ERI1: variants seen among roughly 807,000 people sequenced by gnomAD.
ERI1 encodes the protein exoribonuclease 1, also known as 3'-5' exoribonuclease 1.
ERI1 carries 39 observed loss-of-function variants against 39.7 expected under a neutral mutation model. The ratio of observed to expected loss-of-function variants is 0.98; its 90% CI spans 0.76 to 1.28. The LOEUF (loss-of-function observed/expected upper bound fraction) is 1.28. Ranked by LOEUF, ERI1 falls within the 50% of genes most tolerant of loss-of-function variation. The probability of loss-of-function intolerance (pLI) is 0.00; values close to 1 mark genes in which losing one functional copy is unlikely to be tolerated. For synonymous variants in ERI1, 204 were observed against 149.6 expected (o/e 1.36, Z -2.65); for missense variants, 581 against 416.9 (o/e 1.39, Z -3.43).
chr8:9,006,666 A>G (rs568528754), intron 1 of ERI1, among the ~76,000 whole-genome samples: 5 of 152,314 alleles, frequency 3.3e-5, no homozygotes, highest in African/African-American at 4.8e-5. Context: ...TCATTGGTCA[A>G]CTAGCAATAC....
downstream of ERI1, among the ~76,000 whole-genome samples, chr8:9,033,574 C>CAGT (rs1797735073): frequency 1.3e-5 from 2 of 152,124 alleles, no homozygotes; most frequent in Admixed American, 6.5e-5. Context: ...TGTTAAGGTA[C>CAGT]AATGATACTT....
rs190185719 is a variant in ERI1, at chr8:9,077,615, G to A, written n.300-38733G>A. On this transcript the variant is annotated intron_variant and non_coding_transcript_variant, in intron 3 of 3. Transcript: ENST00000518663. ...AAAGGCTGCTTTATCTGCTTATAAT[G>A]CAGAGAAAGTGTCTCAGGCAGCAGA... Among the ~76,000 whole-genome samples the A allele has an allele frequency of 2.1e-3, 321 of 152,302 alleles. 4 individuals are homozygous for A. The highest frequency in any genetic ancestry group is 7.2e-3 in the African/African-American group (301 of 41,562).
At chr8:9,082,265 A>T (rs1799394642) in intron 3 of ERI1, among the ~76,000 whole-genome samples, 1 of 152,032 alleles carries the variant, frequency 6.6e-6, no homozygotes, top group South Asian at 2.1e-4. Context: ...TACTCCTTTT[A>T]CCAGAACTTC....
At chr8:9,062,380 G>T (rs550966086) in intron 3 of ERI1, among the ~76,000 whole-genome samples, 18 of 151,884 alleles carry the variant, frequency 1.2e-4, no homozygotes, top group African/African-American at 4.3e-4. Context: ...AACAGTCAGG[G>T]AAGCAGATAA....
chr8:9,096,708 C>CTTTTTTTTTT (rs557869870), intron 3 of ERI1: 1 of 96,580 alleles, frequency 1.0e-5, no homozygotes. Flanking sequence ...CTATTGCCAT[C>CTTTTTTTTTT]TTTTTTTTTT....
chr8:9,022,290 G>T (rs568987608), intron 6 of ERI1, among the ~76,000 whole-genome samples: 88 of 152,108 alleles, frequency 5.8e-4, no homozygotes, highest in African/African-American at 1.7e-3. Flanking sequence ...AAAAAAATTG[G>T]GTAGTCTGTT....
At chr8:9,043,864 A>G (rs971925750) in intron 3 of ERI1, among the ~76,000 whole-genome samples, 3 of 152,236 alleles carry the variant, frequency 2.0e-5, no homozygotes, top group Non-Finnish European at 2.9e-5. Flanking sequence ...CAACAAAGAA[A>G]TATTTACTGA....
intron 6 of ERI1, among the ~76,000 whole-genome samples, chr8:9,025,305 G>C (rs554894679): frequency 3.9e-5 from 6 of 152,290 alleles, no homozygotes; most frequent in African/African-American, 1.4e-4. Context: ...AAGGTTTTCT[G>C]TTGTAACATG....
chr8:9,029,898 T>A lies in ERI1; in HGVS notation c.914T>A (p.Ile305Lys). 1 of 1,614,184 alleles carries A rather than the reference T, an allele frequency of 6.2e-7. No homozygotes were observed. The change falls in exon 7 of 7, where the codon ATA becomes AAA. Residue 305 changes from isoleucine to lysine, a missense_variant. Transcript: ENST00000250263. ...GATGACTCTAAGAATATCGCCCGAA[T>A]AGCAGTTCGAATGCTTCAGGATGGG... Reference protein sequence around the residue: ...GLDDSKNIARIAVRMLQDGCE... With the variant: ...GLDDSKNIARKAVRMLQDGCE...
At chr8:9,073,459 A>G (rs1029112321) in intron 3 of ERI1, among the ~76,000 whole-genome samples, 3 of 152,206 alleles carry the variant, frequency 2.0e-5, no homozygotes, top group Non-Finnish European at 4.4e-5. Flanking sequence ...TAGCAAATAG[A>G]GCATTGTAAA....
At chr8:9,093,226 A>G (rs543291026) in intron 3 of ERI1, among the ~76,000 whole-genome samples, 4 of 152,344 alleles carry the variant, frequency 2.6e-5, no homozygotes, top group African/African-American at 9.6e-5. Context: ...CACGTAAAAT[A>G]CACTAACACT....
chr8:9,085,562 T>A (rs892492014), intron 3 of ERI1, among the ~76,000 whole-genome samples: 2 of 151,582 alleles, frequency 1.3e-5, no homozygotes, highest in African/African-American at 4.8e-5. Context: ...CACTCATTCA[T>A]TTATGTATTG....
chr8:9,063,500 C>T (rs367731370), intron 3 of ERI1, among the ~76,000 whole-genome samples: 1,701 of 152,034 alleles, frequency 0.011, 9 homozygotes, highest in African/African-American at 0.014. Context: ...GAGGAAGAAT[C>T]GGGACCTAGC....
downstream of ERI1, among the ~76,000 whole-genome samples, chr8:9,034,416 A>T (rs1797775028): frequency 6.6e-6 from 1 of 152,176 alleles, no homozygotes; most frequent in Admixed American, 6.5e-5. Context: ...AAGTCTATTT[A>T]TGTCATTTTC....
intron 1 of ERI1, among the ~76,000 whole-genome samples, chr8:9,005,226 A>G (rs1339488112): frequency 6.6e-6 from 1 of 152,186 alleles, no homozygotes; most frequent in Non-Finnish European, 1.5e-5. Context: ...TTTTTTTAAA[A>G]GGTAGTACCT....
At chr8:9,003,378 A>C (rs1380310682) in intron 1 of ERI1, among the ~76,000 whole-genome samples, 2 of 152,150 alleles carry the variant, frequency 1.3e-5, no homozygotes, top group Non-Finnish European at 2.9e-5. Flanking sequence ...TCTGGGAGGG[A>C]GGAAATCGTC....
rs980259568 is a variant in ERI1, at chr8:9,056,601, C to T, written n.299+36137C>T. Among the ~76,000 whole-genome samples the T allele has an allele frequency of 2.6e-5, 4 of 152,056 alleles. 1 individual carries two copies. The highest frequency in any genetic ancestry group is 4.2e-4 in the South Asian group (2 of 4,808). Reference sequence around the variant, plus strand: ...CATCTTAAGGCTTTTGGCCCATTTTCGAAATAACTTCGCGAAGGGCTCGGT... The same window carrying T: ...CATCTTAAGGCTTTTGGCCCATTTTTGAAATAACTTCGCGAAGGGCTCGGT... On this transcript the variant is annotated intron_variant and non_coding_transcript_variant, in intron 3 of 3. Coordinates refer to the ERI1 transcript ENST00000518663.
chr8:9,019,440 C>T (rs1442867411), intron 5 of ERI1, among the ~76,000 whole-genome samples: 2 of 152,192 alleles, frequency 1.3e-5, no homozygotes, highest in Non-Finnish European at 2.9e-5. Flanking sequence ...ATGAGCAGTG[C>T]TCTGCTAAAG....
At chr8:9,089,250 C>G (rs73662296) in intron 3 of ERI1, among the ~76,000 whole-genome samples, 4,121 of 152,220 alleles carry the variant, frequency 0.027, 170 homozygotes, top group South Asian at 0.1. Context: ...CCATTCTCAC[C>G]TTCTTTAATT....
Sources: allele counts gnomAD v4.1 joint callset (sites outside exome capture counted in the v4.1 genomes callset), GRCh38; gene constraint gnomAD v4.1.1; transcripts MANE v1.5; gene names NCBI Gene and HGNC (gene_info 2026-07-23, HGNC 2026-07-21).